The following PRRC2C variants were observed in gnomAD, a reference collection of about 807,000 sequenced individuals.
PRRC2C encodes the protein protein PRRC2C.
PRRC2C carries 72 observed loss-of-function variants against 317.2 expected under a neutral mutation model. The observed-to-expected ratio is 0.23, with a 90% CI of 0.19 to 0.28. PRRC2C has a LOEUF of 0.28. Ranked by LOEUF, PRRC2C falls within the 10% of genes least tolerant of loss-of-function variation. The pLI, the probability that PRRC2C is intolerant of heterozygous loss-of-function variation, is 1.00. For missense variants in PRRC2C, 3,074 were observed against 3,459.7 expected (o/e 0.89, Z 2.80); for synonymous variants, 1,296 against 1,205.9 (o/e 1.07, Z -1.55).
At chr1:171,587,371 T>G (rs905595313) in intron 31 of PRRC2C, 150 bp downstream of exon 31, 1 of 791,854 alleles carries the variant, frequency 1.3e-6, no homozygotes, top group Non-Finnish European at 1.9e-6. Context: ...TTTTATCTAT[T>G]TACTTTTAAT....
rs1275752474 is a variant in PRRC2C, at chr1:171,592,473, G to A, written c.*626G>A. 3.3e-5 allele frequency: 5 copies of A among 152,262 alleles called. No individual in the cohort carries two copies. Among genetic ancestry groups the A allele is most frequent in the Non-Finnish European group, 7.3e-5 (5 of 68,090 alleles). The allele number at this position is 152,262 out of a possible 1,614,324, so 9.4% of individuals were successfully genotyped here. On this transcript the variant is annotated 3_prime_UTR_variant, in exon 35 of 35. Coordinates refer to ENST00000647382, the MANE Select transcript of PRRC2C (RefSeq NM_001387844.1). ...GATGAATGAGCAGATAAATATTGAT[G>A]TCAGCATCCTTGAACCATATCAAAG...
intron 11 of PRRC2C, among the ~76,000 whole-genome samples, chr1:171,531,135 C>G (rs1675779105): frequency 6.6e-6 from 1 of 152,054 alleles, no homozygotes; most frequent in Non-Finnish European, 1.5e-5. Context: ...TAATTTTATA[C>G]ATGTATATAA....
chr1:171,520,045 C>G (rs1031035205), intron 6 of PRRC2C, among the ~76,000 whole-genome samples: 1 of 152,196 alleles, frequency 6.6e-6, no homozygotes, highest in Non-Finnish European at 1.5e-5. Flanking sequence ...TCACTGCAGC[C>G]TCCACCTCCC....
chr1:171,536,698 A>G (rs1042318162), intron 14 of PRRC2C, among the ~76,000 whole-genome samples: 3 of 152,198 alleles, frequency 2.0e-5, no homozygotes, highest in African/African-American at 4.8e-5. Flanking sequence ...GTGAATTAGC[A>G]GTCTTTTATG....
chr1:171,502,972 C>G (rs1297105232), intron 1 of PRRC2C, among the ~76,000 whole-genome samples: 3 of 152,186 alleles, frequency 2.0e-5, no homozygotes, highest in Admixed American at 1.3e-4. Flanking sequence ...ATTCGCCTGC[C>G]TTGGCCTCCC....
Position 171,579,826 on chromosome 1 carries a change from A to C in PRRC2C, c.7273-2A>C. On this transcript the variant is annotated splice_acceptor_variant, in intron 27 of 34. Transcript: ENST00000647382. LOFTEE classifies it high-confidence loss of function. The stretch of plus-strand genomic sequence containing the variant: ...TTTACATACTTTCTCAATGCATTGC[A>C]GCCAACTTCAGTTCAGCAGATTCCA... The C allele has an allele frequency of 6.5e-7, 1 of 1,546,822 alleles. No homozygotes were observed. The highest frequency in any genetic ancestry group is 8.7e-7 in the Non-Finnish European group (1 of 1,149,332).
chr1:171,591,790 T>A lies in PRRC2C; in HGVS notation c.8640T>A (p.Pro2880=). 1 of 1,610,424 alleles carries A rather than the reference T, an allele frequency of 6.2e-7. No individual in the cohort carries two copies. Among genetic ancestry groups the A allele is most frequent in the African/African-American group, 1.4e-5 (1 of 73,908 alleles). Reference sequence around the variant, plus strand: ...CTGCACCCTCCATAGCCACCAAACCTGTTAGAACTGGACCAATCAAACCTC... The same window carrying A: ...CTGCACCCTCCATAGCCACCAAACCAGTTAGAACTGGACCAATCAAACCTC... ...PPPAPSIATK[P]VRTGPIKPQA... is the part of the protein sequence containing the mutation. Residue 2880 remains proline (P), a synonymous_variant, in exon 35 of 35, where the codon CCT becomes CCA. Coordinates refer to ENST00000647382, the MANE Select transcript of PRRC2C (RefSeq NM_001387844.1).
intron 17 of PRRC2C, among the ~76,000 whole-genome samples, chr1:171,548,168 C>A (rs1159616074): frequency 6.6e-6 from 1 of 151,788 alleles, no homozygotes; most frequent in Non-Finnish European, 1.5e-5. Flanking sequence ...GGTTTTTTAC[C>A]ATGTTAGCCA....
chr1:171,552,305 T>C (rs1486078035), intron 18 of PRRC2C, among the ~76,000 whole-genome samples: 3 of 152,216 alleles, frequency 2.0e-5, no homozygotes, highest in African/African-American at 4.8e-5. Flanking sequence ...TTTTTGCACA[T>C]TGATTTTATA....
chr1:171,519,627 A>G (rs932570361), intron 6 of PRRC2C, among the ~76,000 whole-genome samples: 2 of 152,094 alleles, frequency 1.3e-5, no homozygotes, highest in African/African-American at 4.8e-5. Context: ...GTTTACTTTC[A>G]GCCCAATGTG....
rs235907 is a variant in PRRC2C at position 171,592,086 on chromosome 1, C to T, written c.*239C>T. 0.81 allele frequency: 341,211 copies of T among 421,042 alleles called. 138,766 individuals carry two copies. Among genetic ancestry groups the T allele is most frequent in the East Asian group, 0.89 (25,017 of 27,958 alleles). 26.1% of individuals were successfully genotyped at this position (421,042 alleles called of 1,614,324 possible). A position where few individuals can be genotyped will look rare whatever the true frequency, so the allele number is the denominator to read the frequency against. On this transcript the variant is annotated 3_prime_UTR_variant, in exon 35 of 35. Coordinates refer to ENST00000647382, the MANE Select transcript of PRRC2C (RefSeq NM_001387844.1). ...ATGTGCTTGGTTGATGGCCATGCAT[C>T]TTCAGTCAGAATTTATATATAAATG...
chr1:171,530,797 A>G (rs1297599400), intron 11 of PRRC2C, among the ~76,000 whole-genome samples: 1 of 152,182 alleles, frequency 6.6e-6, no homozygotes, highest in Non-Finnish European at 1.5e-5. Context: ...ACCCTTATAC[A>G]TTGGAAAACC....
intron 10 of PRRC2C, among the ~76,000 whole-genome samples, chr1:171,526,471 G>A (rs1449240133): frequency 6.6e-6 from 1 of 152,076 alleles, no homozygotes; most frequent in African/African-American, 2.4e-5. Flanking sequence ...CCAACTAGCT[G>A]GGACTACAGT....
At chr1:171,556,101 C>T (rs977925611) in intron 18 of PRRC2C, among the ~76,000 whole-genome samples, 37 of 152,178 alleles carry the variant, frequency 2.4e-4, no homozygotes, top group African/African-American at 8.4e-4. Context: ...TTCCCAGTTG[C>T]TTTGTTTACC....
chr1:171,579,817 A>G lies in PRRC2C; in HGVS notation c.7273-11A>G, dbSNP rs552189110. The G allele has an allele frequency of 1.3e-6, 2 of 1,534,014 alleles. No homozygotes were observed. Among genetic ancestry groups the G allele is most frequent in the Non-Finnish European group, 8.7e-7 (1 of 1,143,232 alleles). On this transcript the variant is annotated splice_polypyrimidine_tract_variant and intron_variant, in intron 27 of 34. Coordinates refer to ENST00000647382, the MANE Select transcript of PRRC2C (RefSeq NM_001387844.1). ...ATATATATGTTTACATACTTTCTCA[A>G]TGCATTGCAGCCAACTTCAGTTCAG...
chr1:171,532,218 T>C, intron 11 of PRRC2C, 125 bp from the exon 12 acceptor site: 1 of 988,396 alleles, frequency 1.0e-6, no homozygotes, highest in South Asian at 1.8e-5. Context: ...TGTTTTCATT[T>C]TAATGTGTAT....
intron 15 of PRRC2C, among the ~76,000 whole-genome samples, chr1:171,539,366 A>C (rs1677505034): frequency 6.6e-6 from 1 of 152,240 alleles, no homozygotes; most frequent in African/African-American, 2.4e-5. Flanking sequence ...CTTAACAAAA[A>C]TTTAATCATA....
At chr1:171,558,270 T>A in intron 19 of PRRC2C, 127 bp downstream of exon 19, 1 of 1,265,618 alleles carries the variant, frequency 7.9e-7, no homozygotes, top group Non-Finnish European at 1.0e-6. Flanking sequence ...GAAAAAGTAA[T>A]AGTAATCCTC....
At chr1:171,574,069 T>A (rs1239718870) in intron 24 of PRRC2C, among the ~76,000 whole-genome samples, 2 of 152,136 alleles carry the variant, frequency 1.3e-5, no homozygotes, top group African/African-American at 2.4e-5. Flanking sequence ...TTAAATATGT[T>A]ACTTGAAAAA....
Sources: gnomAD v4.1 joint callset for allele counts (sites outside exome capture counted in the v4.1 genomes callset) on GRCh38, gnomAD v4.1.1 for gene constraint, MANE v1.5 for transcripts, NCBI Gene and HGNC (gene_info 2026-07-23, HGNC 2026-07-21) for gene names.